ZEB1: variants seen among roughly 807,000 people sequenced by gnomAD.
ZEB1 encodes the protein zinc finger E-box binding homeobox 1, also known as zinc finger E-box-binding homeobox 1.
ZEB1 carries 21 observed loss-of-function variants against 84.9 expected under a neutral mutation model. That is an observed-to-expected ratio of 0.25 (90% confidence interval 0.18 to 0.36). The LOEUF is 0.36. ZEB1 is among the 10% of genes least tolerant of loss of function. The pLI is 1.00. For missense variants in ZEB1, 1,104 were observed against 1,330.2 expected, an observed-to-expected ratio of 0.83 and a Z score of 2.65; for synonymous variants, 420 against 471.1, an observed-to-expected ratio of 0.89 and a Z score of 1.41.
chr10:31,362,710 A>G (rs898219559), intron 1 of ZEB1: 27 of 490,728 alleles, frequency 5.5e-5, no homozygotes, highest in Middle Eastern at 1.2e-3. Flanking sequence ...GGCGCTCCTC[A>G]CTTCCCAGAT....
chr10:31,484,965 C>T (rs753376783), intron 2 of ZEB1, among the ~76,000 whole-genome samples: 11 of 151,860 alleles, frequency 7.2e-5, no homozygotes, highest in African/African-American at 1.2e-4. Context: ...TCTCTCTCCC[C>T]CAACCTTTGT....
chr10:31,334,210 C>A (rs976309445), intron 1 of ZEB1, among the ~76,000 whole-genome samples: 16 of 152,024 alleles, frequency 1.1e-4, no homozygotes, highest in Admixed American at 9.8e-4. Flanking sequence ...ACATTGTATT[C>A]CACAACTAAA....
intron 1 of ZEB1, among the ~76,000 whole-genome samples, chr10:31,340,118 T>C (rs2039062079): frequency 6.6e-6 from 1 of 152,316 alleles, no homozygotes; most frequent in Admixed American, 6.5e-5. Context: ...CCATAATTTA[T>C]TTGTGTGCAT....
chr10:31,407,408 C>T (rs1418131449), intron 1 of ZEB1, among the ~76,000 whole-genome samples: 2 of 151,922 alleles, frequency 1.3e-5, no homozygotes, highest in African/African-American at 2.4e-5. Context: ...ATCCATGTCC[C>T]TACAAAGGAC....
chr10:31,389,586 C>T (rs896662939), intron 1 of ZEB1: 3 of 151,738 alleles, frequency 2.0e-5, no homozygotes, highest in Non-Finnish European at 4.4e-5. Context: ...ATGTGTTTAC[C>T]GTACTGATTT....
chr10:31,421,670 C>T (rs1185055875), intron 1 of ZEB1, among the ~76,000 whole-genome samples: 1 of 152,062 alleles, frequency 6.6e-6, no homozygotes, highest in Admixed American at 6.6e-5. Context: ...TTTCTAGAAA[C>T]CTATCTCCAG....
chr10:31,364,807 T>C (rs2044145720), intron 1 of ZEB1, among the ~76,000 whole-genome samples: 1 of 152,258 alleles, frequency 6.6e-6, no homozygotes, highest in Non-Finnish European at 1.5e-5. Flanking sequence ...CTCATGATCA[T>C]GGATACAGCA....
intron 1 of ZEB1, among the ~76,000 whole-genome samples, chr10:31,449,720 T>TG: frequency 6.6e-6 from 1 of 152,326 alleles, no homozygotes; most frequent in Admixed American, 6.5e-5. Context: ...TACTCTCTGG[T>TG]ATATCTAGTT....
intron 1 of ZEB1, among the ~76,000 whole-genome samples, chr10:31,458,329 GTGTGTGT>G (rs1444000211): frequency 0.05 from 5,848 of 116,062 alleles, 321 homozygotes; most frequent in African/African-American, 0.25. Context: ...GTGTGTGTGT[GTGTGTGT>G]TGTGTGTGTG....
chr10:31,321,664 C>A, intron 1 of ZEB1: 1 of 1,284,030 alleles, frequency 7.8e-7, no homozygotes, highest in Non-Finnish European at 1.1e-6. Flanking sequence ...GTCTGTGCAG[C>A]TGCTGTAAAC....
chr10:31,475,859 C>A (rs751610351), intron 2 of ZEB1, among the ~76,000 whole-genome samples: 13 of 151,916 alleles, frequency 8.6e-5, no homozygotes, highest in Non-Finnish European at 1.3e-4. Flanking sequence ...CCTCAAAGAT[C>A]CAATAAAGCA....
rs554520869 is a variant in ZEB1, at chr10:31,502,383, G to A, written c.358G>A (p.Glu120Lys). The A allele has an allele frequency of 2.0e-5, 32 of 1,613,772 alleles. No homozygotes were observed. The Admixed American group carries it at 5.2e-4, about 26-fold the overall frequency. ...DDECESDAEN[E>K]QNHDPNVEEF... Reference sequence around the variant, plus strand: ...TGAATGCGAGTCAGATGCAGAAAATGAGCAAAACCATGATCCTAATGTTGA... The same window carrying A: ...TGAATGCGAGTCAGATGCAGAAAATAAGCAAAACCATGATCCTAATGTTGA... The change falls in exon 4 of 9, where the codon GAG becomes AAG. Residue 120 changes from glutamate to lysine, a missense_variant. Around this residue, in one of 7 missense-constraint regions of ZEB1, gnomAD observed 162 missense variants for 184.5 expected, o/e 0.88. Coordinates refer to ENST00000424869, the MANE Select transcript of ZEB1 (RefSeq NM_001174096.2).
chr10:31,378,412 T>C (rs1277177149), intron 1 of ZEB1, among the ~76,000 whole-genome samples: 3 of 151,688 alleles, frequency 2.0e-5, no homozygotes, highest in Non-Finnish European at 4.4e-5. Flanking sequence ...AAAATGAGAG[T>C]TAAAATAGAT....
At chr10:31,516,539 TAAAAAAAAAAAAAAAAAAAAAAAA>T (rs71027029) in intron 6 of ZEB1, among the ~76,000 whole-genome samples, 3 of 34,030 alleles carry the variant, frequency 8.8e-5, no homozygotes, top group Non-Finnish European at 1.6e-4. Flanking sequence ...TGTCTGTAAG[TAAAAAAAAAAAAAAAAAAAAAAAA>T]AAAAAAAAAA....
At chr10:31,372,934 A>G (rs1248179225) in intron 1 of ZEB1, 1 of 889,478 alleles carries the variant, frequency 1.1e-6, no homozygotes, top group Non-Finnish European at 1.3e-6. Flanking sequence ...GGCAAATCAT[A>G]TTCACGTTAT....
At chr10:31,477,417 G>C (rs2064375192) in intron 2 of ZEB1, among the ~76,000 whole-genome samples, 1 of 151,894 alleles carries the variant, frequency 6.6e-6, no homozygotes, top group Non-Finnish European at 1.5e-5. Flanking sequence ...ACTCAATATT[G>C]TTAAAAATGA....
chr10:31,321,293 C>T (rs974701417), intron 1 of ZEB1: 1 of 1,383,232 alleles, frequency 7.2e-7, no homozygotes, highest in South Asian at 1.8e-5. Context: ...TTAATATATT[C>T]GAGCCATCAT....
upstream of ZEB1, chr10:31,318,441 T>G (rs1250565357): frequency 6.6e-6 from 1 of 152,478 alleles, no homozygotes; most frequent in Non-Finnish European, 1.5e-5. Flanking sequence ...AGGAGGCTGC[T>G]GGCAAGCGGA....
chr10:31,463,066 C>T (rs1043652024), intron 2 of ZEB1, among the ~76,000 whole-genome samples: 1 of 152,124 alleles, frequency 6.6e-6, no homozygotes, highest in Non-Finnish European at 1.5e-5. Context: ...AATGTTAATA[C>T]TAAGCTCAAA....
Sources: gnomAD v4.1 joint callset for allele counts (sites outside exome capture counted in the v4.1 genomes callset) on GRCh38, gnomAD v4.1.1 for gene constraint, gnomAD v4.1.1 regional missense constraint, MANE v1.5 for transcripts, NCBI Gene and HGNC (gene_info 2026-07-23, HGNC 2026-07-21) for gene names.